Variants in HPSE2 observed in about 807,000 individuals in gnomAD.
HPSE2 encodes the protein heparanase 2 (inactive), also known as inactive heparanase-2.
A neutral mutation model predicts 60.5 loss-of-function variants in HPSE2; 38 were observed. The ratio of observed to expected loss-of-function variants is 0.63; its 90% confidence interval spans 0.48 to 0.82. HPSE2 has a LOEUF of 0.82. Ranked by LOEUF, HPSE2 falls within the 40% of genes least tolerant of loss-of-function variation. The pLI, the probability that HPSE2 is intolerant of heterozygous loss-of-function variation, is 0.00. For synonymous variants in HPSE2, 295 were observed against 293.2 expected (o/e 1.01, Z -0.06); for missense variants, 713 against 740.4 (o/e 0.96, Z 0.43).
rs762255524 is a variant in HPSE2, at chr10:99,144,229, T to C, written c.610+9A>G. 1.9e-6 allele frequency: 3 copies of C among 1,613,416 alleles called. No homozygotes were observed. Among genetic ancestry groups the C allele is most frequent in the Non-Finnish European group, 2.5e-6 (3 of 1,179,848 alleles). The stretch of plus-strand genomic sequence containing the variant: ...GCTCTAAGATTTCAACCAACTCCAA[T>C]AGCCTTACCTGTTAATATGAGATTA... On this transcript the variant is annotated intron_variant, in intron 3 of 11. Coordinates refer to ENST00000370552, the MANE Select transcript of HPSE2 (RefSeq NM_021828.5).
intron 8 of HPSE2, among the ~76,000 whole-genome samples, chr10:98,619,882 G>T (rs1946025855): frequency 6.6e-6 from 1 of 152,184 alleles, no homozygotes; most frequent in Non-Finnish European, 1.5e-5. Context: ...GACCATGTGA[G>T]GAAGAAAGGC....
rs533230139 is a variant in HPSE2, at chr10:99,062,285, C to G, written c.610+81953G>C. 1.5e-4 allele frequency among the ~76,000 whole-genome samples: 23 copies of G among 152,066 alleles called. No homozygotes were observed. In the East Asian group the frequency reaches 4.4e-3, roughly 29 times the overall value. On this transcript the variant is annotated intron_variant, in intron 3 of 11. Transcript: ENST00000370552. ...GTGGATGCCAGTTTCTCCTAGTGTC[C>G]CTGCTCCTGTCCAACTCCAGGTGAC...
chr10:98,677,312 C>G (rs7072652), intron 6 of HPSE2, among the ~76,000 whole-genome samples: 53,765 of 152,058 alleles, frequency 0.35, 9,732 homozygotes, highest in Admixed American at 0.41. Context: ...CCCCACAGAA[C>G]CATCTAGTTT....
rs541184574 is a variant in HPSE2, at chr10:98,591,817, C to T, written c.1320+23087G>A. Among the ~76,000 whole-genome samples the T allele has an allele frequency of 2.0e-5, 3 of 152,252 alleles. No individual in the cohort carries two copies. The East Asian group carries it at 5.8e-4, about 29-fold the overall frequency. ...TTTCGTCTTCATTTCAATGTATCAG[C>T]GCACGTATAACACTGCATTACACGG... On this transcript the variant is annotated intron_variant, in intron 9 of 11. Coordinates refer to ENST00000370552, the MANE Select transcript of HPSE2 (RefSeq NM_021828.5).
chr10:98,886,905 T>C (rs913122690), intron 3 of HPSE2, among the ~76,000 whole-genome samples: 1 of 152,106 alleles, frequency 6.6e-6, no homozygotes, highest in Admixed American at 6.6e-5. Context: ...ATGGTATTAT[T>C]TGCAATGAGT....
At chr10:99,132,724 C>T (rs552264108) in intron 3 of HPSE2, among the ~76,000 whole-genome samples, 235 of 152,298 alleles carry the variant, frequency 1.5e-3, no homozygotes, top group African/African-American at 5.4e-3. Context: ...ATTTGTCCCA[C>T]GGTTTTCAAC....
chr10:98,751,350 G>C (rs930079718), intron 3 of HPSE2, among the ~76,000 whole-genome samples: 15 of 152,172 alleles, frequency 9.9e-5, no homozygotes, highest in Non-Finnish European at 2.1e-4. Context: ...AATTTTATTA[G>C]ACTAGTGTTT....
At chr10:98,672,068 A>T (rs1237284349) in intron 6 of HPSE2, among the ~76,000 whole-genome samples, 3 of 152,244 alleles carry the variant, frequency 2.0e-5, no homozygotes, top group Non-Finnish European at 4.4e-5. Context: ...TACAATGTAC[A>T]TGAATAAAAA....
chr10:98,841,955 T>C (rs375349548), intron 3 of HPSE2, among the ~76,000 whole-genome samples: 1 of 152,010 alleles, frequency 6.6e-6, no homozygotes, highest in Non-Finnish European at 1.5e-5. Flanking sequence ...TACAGGCGTG[T>C]GCCACCACGC....
chr10:98,555,860 T>A (rs1044090174), intron 9 of HPSE2, among the ~76,000 whole-genome samples: 13 of 152,110 alleles, frequency 8.5e-5, no homozygotes, highest in African/African-American at 3.1e-4. Flanking sequence ...ACAGCCATAA[T>A]ACCAAGCACC....
chr10:99,246,905 T>G, the HPSE2 span, among the ~76,000 whole-genome samples: 1 of 152,230 alleles, frequency 6.6e-6, no homozygotes, highest in Non-Finnish European at 1.5e-5. Context: ...TTGCCTGCTG[T>G]AGAAATGCTA....
rs1185020279 is a variant in HPSE2 at position 98,826,322 on chromosome 10, TAC to T, written c.611-82268_611-82267del. 3.3e-5 allele frequency among the ~76,000 whole-genome samples: 5 copies of T among 152,360 alleles called. No homozygotes were observed. In the East Asian group the frequency reaches 9.6e-4, roughly 29 times the overall value. On this transcript the variant is annotated intron_variant, in intron 3 of 11. Transcript: ENST00000370552. Reference sequence around the variant, plus strand: ...AAAAGACTCTATTTCTAATGTTTTTTACATTCATTTTACCACACTGTATAAAA... The same window carrying T: ...AAAAGACTCTATTTCTAATGTTTTTTATTCATTTTACCACACTGTATAAAA...
At position 98,936,997 on chromosome 10, in the gene HPSE2, A is replaced by AC. The variant is rs1322374585; in HGVS notation, c.611-192942_611-192941insG. Among the ~76,000 whole-genome samples the AC allele has an allele frequency of 5.2e-3, 738 of 140,714 alleles. 139 individuals carry two copies. Among genetic ancestry groups the AC allele is most frequent in the African/African-American group, 0.02 (684 of 33,546 alleles). 92.3% of individuals were successfully genotyped at this position (140,714 alleles called of 152,430 possible). ...CCATCTCAAAAAAAAAAAAAAAAAA[A>AC]AAAAAAAACAAGTTTTCCAACTTTT... On this transcript the variant is annotated intron_variant, in intron 3 of 11. Transcript: ENST00000370552.
intron 3 of HPSE2, among the ~76,000 whole-genome samples, chr10:98,901,873 T>C (rs1227248320): frequency 6.6e-6 from 1 of 152,192 alleles, no homozygotes; most frequent in Admixed American, 6.6e-5. Flanking sequence ...AGGTAATGCA[T>C]GTAAAGCAGT....
At chr10:98,827,920 C>T (rs1951590419) in intron 3 of HPSE2, among the ~76,000 whole-genome samples, 2 of 152,082 alleles carry the variant, frequency 1.3e-5, no homozygotes, top group Admixed American at 1.3e-4. Flanking sequence ...AATCAGTAGA[C>T]CTTGAGTAAA....
chr10:98,830,938 C>T (rs1251588100), intron 3 of HPSE2, among the ~76,000 whole-genome samples: 2 of 152,114 alleles, frequency 1.3e-5, no homozygotes, highest in African/African-American at 4.8e-5. Context: ...AAATTTCAGC[C>T]CAGATTTAGG....
chr10:98,869,064 C>T (rs1316551832), intron 3 of HPSE2, among the ~76,000 whole-genome samples: 2 of 151,572 alleles, frequency 1.3e-5, no homozygotes, highest in Admixed American at 6.6e-5. Flanking sequence ...TGTGTGCGCA[C>T]GCGTGTGTGT....
At chr10:98,659,789 G>T (rs1480893380) in intron 6 of HPSE2, among the ~76,000 whole-genome samples, 1 of 152,096 alleles carries the variant, frequency 6.6e-6, no homozygotes, top group Admixed American at 6.6e-5. Flanking sequence ...ATTTCCACAT[G>T]AAAAATTAGA....
intron 3 of HPSE2, among the ~76,000 whole-genome samples, chr10:99,021,198 G>A (rs1002963288): frequency 6.6e-5 from 10 of 152,144 alleles, no homozygotes; most frequent in Non-Finnish European, 1.3e-4. Context: ...TGCATAAATG[G>A]TGTGGACAAT....
Sources: allele counts gnomAD v4.1 joint callset (sites outside exome capture counted in the v4.1 genomes callset), GRCh38; gene constraint gnomAD v4.1.1; transcripts MANE v1.5; gene names NCBI Gene and HGNC (gene_info 2026-07-23, HGNC 2026-07-21).